The following ADAMTS13 variants were observed in gnomAD, a reference collection of about 807,000 sequenced individuals.
The protein encoded by ADAMTS13 is ADAM metallopeptidase with thrombospondin type 1 motif 13.
Under a neutral mutation model 155.1 loss-of-function variants are expected in ADAMTS13, and 110 were observed. The ratio of observed to expected loss-of-function variants is 0.71; its 90% CI spans 0.61 to 0.83. The LOEUF (loss-of-function observed/expected upper bound fraction) is 0.83, where lower values mean the gene tolerates loss of function less well. Ranked by LOEUF, ADAMTS13 falls within the 40% of genes least tolerant of loss-of-function variation. The pLI is 0.00. For missense variants in ADAMTS13, 1,707 were observed against 1,891.7 expected (o/e 0.90, Z 1.81); for synonymous variants, 758 against 756.4 (o/e 1.00, Z -0.03).
In ADAMTS13 at chr9:133,442,406, G is replaced by A. The variant is rs150764227; in HGVS notation, c.1976G>A (p.Arg659Lys). ...LQEDADIQVY[R>K]RYGEEYGNLT... ...GAAGCTCTTTGTCTGCAGGTTTACA[G>A]GCGGTATGGCGAGGAGTATGGCAAC... Residue 659 changes from arginine to lysine, a missense_variant, in exon 17 of 29, where the codon AGG (arginine) becomes AAG (lysine). Arg to Lys is a conservative substitution (Grantham distance 26, BLOSUM62 2). Around this residue, in one of 3 missense-constraint regions of ADAMTS13, gnomAD observed 961 missense variants for 1,107.9 expected, o/e 0.87. Coordinates refer to ENST00000355699, the MANE Select transcript of ADAMTS13 (RefSeq NM_139027.6). 2.4e-4 allele frequency: 394 copies of A among 1,613,830 alleles called. No homozygotes were observed. The highest frequency in any genetic ancestry group is 3.2e-4 in the Non-Finnish European group (378 of 1,180,048).
chr9:133,455,307 G>T lies in ADAMTS13; in HGVS notation c.3272G>T (p.Gly1091Val). 6.2e-7 allele frequency: 1 copy of T among 1,603,820 alleles called. No homozygotes were observed. ...CAGTGCTCTGTTTCCTGTGGGGATG[G>T]CATCCAGCGCCGGCGTGACACCTGC... is the stretch of plus-strand genomic sequence containing the variant. The part of the protein sequence containing the change: ...WMECSVSCGD[G>V]IQRRRDTCLG... Residue 1091 changes from glycine to valine, a missense_variant, in exon 25 of 29, where the codon GGC (glycine) becomes GTC (valine). This residue lies in a region of ADAMTS13 where 961 missense variants were observed against 1,107.9 expected (regional missense o/e 0.87). Transcript: ENST00000355699.
chr9:133,443,349 G>C (rs782289826), intron 18 of ADAMTS13, 27 bp from the exon 19 acceptor site: 1 of 1,578,770 alleles, frequency 6.3e-7, no homozygotes, highest in East Asian at 2.3e-5. Flanking sequence ...CCTGGCCAGG[G>C]TCCCGACGCT....
At position 133,426,226 on chromosome 9, in the gene ADAMTS13, C is replaced by T. The variant is rs782555111; in HGVS notation, c.567C>T (p.Asn189=). The change falls in exon 6 of 29, where the codon AAC becomes AAT. Residue 189 remains asparagine, a synonymous_variant. Transcript: ENST00000355699. The part of the protein sequence containing the change: ...TRFDLELPDG[N]RQVRGVTQLG... The stretch of plus-strand genomic sequence containing the variant: ...TTGACCTGGAGTTGCCTGATGGTAA[C>T]CGGCAGGTGCGGGGCGTCACCCAGC... The T allele has an allele frequency of 1.2e-6, 2 of 1,613,726 alleles. No homozygotes were observed. The highest frequency in any genetic ancestry group is 4.5e-5 in the East Asian group (2 of 44,882).
rs189847686 is a variant in ADAMTS13 at position 133,456,998 on chromosome 9, C to T, written c.3724+279C>T. The stretch of plus-strand genomic sequence containing the variant: ...TCAGTCAGTCCCTCAGGCCTCTGCC[C>T]CACACCCACCTGCCCCGCCCCCACC... On this transcript the variant is annotated intron_variant, in intron 27 of 28. Coordinates refer to ENST00000355699, the MANE Select transcript of ADAMTS13 (RefSeq NM_139027.6). This position sits in a 1 kb window ranked among gnomAD's most constrained non-coding sequence, Gnocchi z 4.4. 1.8e-6 allele frequency: 1 copy of T among 553,840 alleles called. No individual in the cohort carries two copies. Among genetic ancestry groups the T allele is most frequent in the Admixed American group, 2.5e-5 (1 of 39,626 alleles). 34.3% of individuals were successfully genotyped at this position (553,840 alleles called of 1,614,324 possible).
At chr9:133,442,312 G>T in intron 16 of ADAMTS13, 87 bp from the exon 17 acceptor site, 1 of 1,597,266 alleles carries the variant, frequency 6.3e-7, no homozygotes. Context: ...GATGCAAGAA[G>T]AAGTTGGAAG....
Position 133,440,278 on chromosome 9 carries a change from G to A in ADAMTS13, c.1787-66G>A. On this transcript the variant is annotated intron_variant, in intron 15 of 28. Transcript: ENST00000355699. The surrounding 1 kb of genome is among the most constrained non-coding windows in gnomAD (Gnocchi z 4.3). ...GGGGACCCCGGGAAGGAGAGTCACT[G>A]ACATGTGCCTGTGAGGAGGATGGGT... 1.2e-6 allele frequency: 2 copies of A among 1,604,150 alleles called. No homozygotes were observed. The highest frequency in any genetic ancestry group is 1.7e-6 in the Non-Finnish European group (2 of 1,173,716).
chr9:133,430,320 A>C, intron 8 of ADAMTS13: 1 of 697,258 alleles, frequency 1.4e-6, no homozygotes, highest in East Asian at 2.8e-5. Flanking sequence ...GGCCCCACAA[A>C]TTATGTAGCT....
In ADAMTS13 at chr9:133,432,553, C is replaced by A. The variant is rs782797963; in HGVS notation, c.988-35C>A. 13 of 1,533,318 alleles carry A rather than the reference C, an allele frequency of 8.5e-6. No homozygotes were observed. In the South Asian group the frequency reaches 1.6e-4, roughly 18 times the overall value. 95.0% of individuals were successfully genotyped at this position (1,533,318 alleles called of 1,614,324 possible). A position where few individuals can be genotyped will look rare whatever the true frequency, so the allele number is the denominator to read the frequency against. On this transcript the variant is annotated intron_variant, in intron 8 of 28. Transcript: ENST00000355699. ...CACTGGCCTGGAAGGCCCTGGTGGC[C>A]CCTGAGCTCGCCACCCACCTGTCCA... is the stretch of plus-strand genomic sequence containing the variant.
rs1842941254 is a variant in ADAMTS13, at chr9:133,459,147, C to T, written c.4083C>T (p.Asp1361=). 6.2e-7 allele frequency: 1 copy of T among 1,612,354 alleles called. No homozygotes were observed. Among genetic ancestry groups the T allele is most frequent in the Admixed American group, 1.7e-5 (1 of 59,914 alleles). Residue 1361 remains aspartate, a synonymous_variant, in exon 29 of 29, where the codon GAC becomes GAT. Transcript: ENST00000355699. ...AATCATGGGTACCGGAGATGCAGGA[C>T]CCTCAGTCCTGGAAGGGAAAGGAAG... ...TLQSWVPEMQ[D]PQSWKGKEGT
intron 1 of ADAMTS13, 82 bp from the exon 2 acceptor site, chr9:133,423,019 T>C: frequency 9.6e-7 from 1 of 1,045,698 alleles, no homozygotes; most frequent in Admixed American, 1.9e-5. Context: ...CAAGTGATCC[T>C]CCCACCTCGG....
At position 133,441,550 on chromosome 9, in the gene ADAMTS13, G is replaced by A. The variant is rs937036402; in HGVS notation, c.1969-849G>A. 2.0e-5 allele frequency among the ~76,000 whole-genome samples: 3 copies of A among 152,222 alleles called. No individual in the cohort carries two copies. The highest frequency in any genetic ancestry group is 1.3e-4 in the Admixed American group (2 of 15,288). ...GCGGCACTGGCCAGATGTGGGCATC[G>A]AGGGGGCAGGTGCGGAATGTCACCT... is the stretch of plus-strand genomic sequence containing the variant. On this transcript the variant is annotated intron_variant, in intron 16 of 28. Transcript: ENST00000355699. This position sits in a 1 kb window ranked among gnomAD's most constrained non-coding sequence, Gnocchi z 5.0.
Position 133,456,356 on chromosome 9 carries a change from A to G in ADAMTS13, c.3547+141A>G. ...CATCCCATCTCATGACTGGGGAGTG[A>G]TGATCTGCATTTTACAGATGAGGAA... On this transcript the variant is annotated intron_variant, in intron 26 of 28. Transcript: ENST00000355699. This position sits in a 1 kb window ranked among gnomAD's most constrained non-coding sequence, Gnocchi z 4.4. The G allele has an allele frequency of 6.9e-7, 1 of 1,447,398 alleles. No homozygotes were observed. The highest frequency in any genetic ancestry group is 9.5e-7 in the Non-Finnish European group (1 of 1,058,078). 89.7% of individuals were successfully genotyped at this position (1,447,398 alleles called of 1,614,324 possible).
chr9:133,442,727 G>A lies in ADAMTS13; in HGVS notation c.2218G>A (p.Glu740Lys), dbSNP rs36221451. The part of the protein sequence containing the change: ...PPAWPEACVL[E>K]PCPPYWAVGD... ...AGCGTGGCCAGAGGCCTGCGTGCTC[G>A]AACCCTGCCCTCCCTAGTGAGTGTG... The change falls in exon 18 of 29, where the codon GAA (glutamate) becomes AAA (lysine). Residue 740 changes from glutamate to lysine, a missense_variant. Transcript: ENST00000355699. 3,140 of 1,612,788 alleles carry A rather than the reference G, an allele frequency of 1.9e-3. 70 individuals are homozygous for A. In the African/African-American group the frequency reaches 0.036, roughly 19 times the overall value.
intron 27 of ADAMTS13, 121 bp from the exon 28 acceptor site, chr9:133,457,789 G>T (rs1415725405): frequency 4.6e-6 from 6 of 1,317,342 alleles, no homozygotes; most frequent in Admixed American, 1.7e-5. Context: ...GGATTTGCCT[G>T]GGAACCCCAA....
In ADAMTS13 at chr9:133,424,327, C is replaced by T. The variant is rs782677352; in HGVS notation, c.179C>T (p.Pro60Leu). ...LSPGAPLKGR[P>L]PSPGFQRQRQ... ...TCTCCCTCTCCCCCTCCAGGCCGCC[C>T]TCCTTCCCCTGGCTTCCAGAGGCAG... The change falls in exon 3 of 29, where the codon CCT becomes CTT. Residue 60 changes from proline (P) to leucine (L), a missense_variant. Transcript: ENST00000355699. The surrounding 1 kb of genome is among the most constrained non-coding windows in gnomAD (Gnocchi z 4.3). The T allele has an allele frequency of 1.7e-5, 27 of 1,612,660 alleles. No homozygotes were observed. Among genetic ancestry groups the T allele is most frequent in the African/African-American group, 9.3e-5 (7 of 74,892 alleles).
chr9:133,428,855 C>G (rs1329274061), intron 7 of ADAMTS13, 84 bp downstream of exon 7: 39 of 1,182,342 alleles, frequency 3.3e-5, no homozygotes, highest in Non-Finnish European at 4.0e-5. Flanking sequence ...ACGTCCGTCC[C>G]CACTCCGCAT....
upstream of ADAMTS13, among the ~76,000 whole-genome samples, chr9:133,417,429 C>A (rs1309890492): frequency 6.6e-6 from 1 of 152,264 alleles, no homozygotes; most frequent in Admixed American, 6.5e-5. Flanking sequence ...ATAATTCTTT[C>A]ATCAATTTCT....
intron 11 of ADAMTS13, 132 bp from the exon 12 acceptor site, chr9:133,436,697 C>A: frequency 1.1e-6 from 1 of 941,260 alleles, no homozygotes; most frequent in Non-Finnish European, 1.6e-6. Context: ...GAGCAGGGAA[C>A]CGAGGCACGG....
chr9:133,454,135 C>G (rs1278170504), intron 23 of ADAMTS13, among the ~76,000 whole-genome samples: 2 of 152,048 alleles, frequency 1.3e-5, no homozygotes, highest in Non-Finnish European at 2.9e-5. Flanking sequence ...TAGGCAACCC[C>G]TGGGGTGCTG....
Sources: allele counts gnomAD v4.1 joint callset (sites outside exome capture counted in the v4.1 genomes callset), GRCh38; gene constraint gnomAD v4.1.1; regional missense constraint gnomAD v4.1.1; non-coding constraint Gnocchi (gnomAD v3.1); transcripts MANE v1.5; gene names NCBI Gene and HGNC (gene_info 2026-07-23, HGNC 2026-07-21).